MRRF: variants seen among roughly 807,000 people sequenced by gnomAD.
MRRF encodes mitochondrial ribosome recycling factor.
A neutral mutation model predicts 25.1 loss-of-function variants in MRRF; 18 were observed. The observed-to-expected ratio is 0.72, with a 90% CI of 0.50 to 1.06. MRRF has a LOEUF of 1.06. Ranked by LOEUF, MRRF falls within the 50% of genes least tolerant of loss-of-function variation. MRRF has a pLI of 0.00. For synonymous variants in MRRF, 113 were observed against 112.1 expected (o/e 1.01, Z -0.05); for missense variants, 323 against 319.3 (o/e 1.01, Z -0.09).
chr9:122,322,007 C>A (rs1315471949), intron 6 of MRRF, among the ~76,000 whole-genome samples: 2 of 152,170 alleles, frequency 1.3e-5, no homozygotes, highest in Non-Finnish European at 2.9e-5. Context: ...GTTTTCCTAT[C>A]TGCAAAATGG....
intron 1 of MRRF, among the ~76,000 whole-genome samples, chr9:122,270,554 A>C (rs536476367): frequency 1.3e-5 from 2 of 152,324 alleles, no homozygotes; most frequent in East Asian, 3.9e-4. Context: ...TAGCATCATT[A>C]AAGTTTTAGT....
intron 5 of MRRF, among the ~76,000 whole-genome samples, chr9:122,307,219 C>T (rs149627609): frequency 6.6e-6 from 1 of 152,190 alleles, no homozygotes; most frequent in Non-Finnish European, 1.5e-5. Context: ...CAGGCCCATG[C>T]TCCTGTAGGG....
intron 5 of MRRF, among the ~76,000 whole-genome samples, chr9:122,302,873 C>T (rs966228422): frequency 2.6e-5 from 4 of 152,172 alleles, no homozygotes; most frequent in African/African-American, 9.7e-5. Context: ...CCTTTGCCAA[C>T]ACTTGTTATG....
chr9:122,285,326 T>G (rs1258988391), intron 4 of MRRF, 39 bp downstream of exon 4: 4 of 1,230,460 alleles, frequency 3.3e-6, no homozygotes, highest in Non-Finnish European at 4.8e-6. Context: ...CGTGGTCTCT[T>G]TTGGAATGGA....
Position 122,313,366 on chromosome 9 carries a change from A to T in MRRF, c.691A>T (p.Ile231Phe), listed in dbSNP as rs772261297. The change falls in exon 6 of 7, where the codon ATT (isoleucine) becomes TTT (phenylalanine). Residue 231 changes from isoleucine to phenylalanine, a missense_variant. Transcript: ENST00000344641. ...KSKDTVSEDT[I>F]RLIEKQISQM... ...CAAGGATACAGTCTCAGAGGACACC[A>T]TTAGGCTAATAGAGAAACAGGTACT... 2 of 1,614,122 alleles carry T rather than the reference A, an allele frequency of 1.2e-6. No individual in the cohort carries two copies. Among genetic ancestry groups the T allele is most frequent in the Non-Finnish European group, 1.7e-6 (2 of 1,179,934 alleles).
intron 5 of MRRF, among the ~76,000 whole-genome samples, chr9:122,306,545 C>T (rs545439321): frequency 2.6e-5 from 4 of 152,256 alleles, no homozygotes; most frequent in Non-Finnish European, 4.4e-5. Context: ...CTTCAGAGCC[C>T]GTTCTCTTAA....
At position 122,265,791 on chromosome 9, in the gene MRRF, T is replaced by G. The variant is rs562271777; in HGVS notation, c.-29+853T>G. On this transcript the variant is annotated intron_variant, in intron 1 of 6. Transcript: ENST00000344641. Reference sequence around the variant, plus strand: ...GCAGGGAGTGATAAGGTAGGCATACTGGAATCCAGATCTCTTAACTCTTAG... The same window carrying G: ...GCAGGGAGTGATAAGGTAGGCATACGGGAATCCAGATCTCTTAACTCTTAG... 2.3e-3 allele frequency: 2,960 copies of G among 1,283,238 alleles called. 3 individuals carry two copies. Among genetic ancestry groups the G allele is most frequent in the Non-Finnish European group, 2.7e-3 (2,640 of 983,132 alleles). The allele number at this position is 1,283,238 out of a possible 1,614,324, so 79.5% of individuals were successfully genotyped here.
chr9:122,305,720 T>G (rs1402743064), intron 5 of MRRF, among the ~76,000 whole-genome samples: 1 of 152,230 alleles, frequency 6.6e-6, no homozygotes, highest in Non-Finnish European at 1.5e-5. Flanking sequence ...TCTTGCTTTA[T>G]TTTCTTCATA....
rs2119029843 is a variant in MRRF at position 122,270,925 on chromosome 9, C to T, written c.34C>T (p.His12Tyr). The change falls in exon 2 of 7, where the codon CAC (histidine) becomes TAC (tyrosine). Residue 12 changes from histidine to tyrosine, a missense_variant. Transcript: ENST00000344641. ...ALGLKCFRMVHPTFRNYLAAS... is the reference protein window; with the variant it reads ...ALGLKCFRMVYPTFRNYLAAS... Reference sequence around the variant, plus strand: ...GGGATTAAAGTGCTTCCGCATGGTCCACCCTACCTTTCGCAATTATCTTGC... The same window carrying T: ...GGGATTAAAGTGCTTCCGCATGGTCTACCCTACCTTTCGCAATTATCTTGC... 6.2e-7 allele frequency: 1 copy of T among 1,614,124 alleles called. No individual in the cohort carries two copies.
At chr9:122,279,706 GTTGA>G (rs1832981694) in intron 2 of MRRF, among the ~76,000 whole-genome samples, 1 of 152,184 alleles carries the variant, frequency 6.6e-6, no homozygotes, top group Admixed American at 6.5e-5. Context: ...TCCCAATGCT[GTTGA>G]TTTTCTAAAA....
At chr9:122,274,941 C>G (rs1832688199) in intron 2 of MRRF, among the ~76,000 whole-genome samples, 1 of 152,016 alleles carries the variant, frequency 6.6e-6, no homozygotes, top group South Asian at 2.1e-4. Context: ...TTTCTATCCT[C>G]TGAGTTGGAC....
rs1588098101 is a variant in MRRF, at chr9:122,324,366, A to C, written c.*1749A>C. ...GGTACACAGGGCAAGGTTGAGGGAG[A>C]GGGAGAGGGTGTGGAGCTTCCATGC... On this transcript the variant is annotated 3_prime_UTR_variant, in exon 7 of 7. Coordinates refer to ENST00000344641, the MANE Select transcript of MRRF (RefSeq NM_138777.5). 1 of 152,242 alleles carries C rather than the reference A, an allele frequency of 6.6e-6. No individual in the cohort carries two copies. The highest frequency in any genetic ancestry group is 2.4e-5 in the African/African-American group (1 of 41,446). 9.4% of individuals were successfully genotyped at this position (152,242 alleles called of 1,614,324 possible).
chr9:122,271,148 A>G (rs1832433893), intron 2 of MRRF, 73 bp downstream of exon 2: 3 of 1,265,380 alleles, frequency 2.4e-6, no homozygotes, highest in East Asian at 4.6e-5. Flanking sequence ...GCTGGCAGGT[A>G]TCTCAGATGT....
At chr9:122,285,510 G>T in intron 4 of MRRF, 2 of 521,058 alleles carry the variant, frequency 3.8e-6, no homozygotes, top group Non-Finnish European at 7.0e-6. Flanking sequence ...TACCCAAACG[G>T]GTCCCATCTA....
rs747739745 is a variant in MRRF at position 122,280,403 on chromosome 9, A to G, written c.185-40A>G. ...CACCAATTGCTTATTGGCTCTGTTTATGCTGCTGTTGTTTTATTCACTGAA... is the reference window on the plus strand; with the variant it reads ...CACCAATTGCTTATTGGCTCTGTTTGTGCTGCTGTTGTTTTATTCACTGAA... On this transcript the variant is annotated intron_variant, in intron 2 of 6. Coordinates refer to ENST00000344641, the MANE Select transcript of MRRF (RefSeq NM_138777.5). 4.3e-5 allele frequency: 69 copies of G among 1,612,058 alleles called. No individual in the cohort carries two copies. The South Asian group carries it at 5.2e-4, about 12-fold the overall frequency.
At chr9:122,281,022 C>T (rs1328653150) in intron 3 of MRRF, among the ~76,000 whole-genome samples, 1 of 152,152 alleles carries the variant, frequency 6.6e-6, no homozygotes, top group Admixed American at 6.6e-5. Context: ...TAACTGACAT[C>T]TTTGGTCCGA....
intron 5 of MRRF, among the ~76,000 whole-genome samples, chr9:122,307,445 GT>G (rs1325408800): frequency 1.3e-5 from 2 of 152,118 alleles, no homozygotes. Context: ...TATCTGCTCA[GT>G]TGCCTAAGCA....
At chr9:122,309,859 A>G (rs917280586) in intron 5 of MRRF, among the ~76,000 whole-genome samples, 3 of 152,228 alleles carry the variant, frequency 2.0e-5, no homozygotes, top group Non-Finnish European at 4.4e-5. Context: ...TTGGATTTTA[A>G]AATGTCTGTG....
At chr9:122,272,069 T>C (rs1387410991) in intron 2 of MRRF, among the ~76,000 whole-genome samples, 2 of 152,244 alleles carry the variant, frequency 1.3e-5, no homozygotes, top group African/African-American at 4.8e-5. Context: ...TTTTTTAAAG[T>C]TTCTATACAT....
Sources: gnomAD v4.1 joint callset for allele counts (sites outside exome capture counted in the v4.1 genomes callset) on GRCh38, gnomAD v4.1.1 for gene constraint, MANE v1.5 for transcripts, NCBI Gene and HGNC (gene_info 2026-07-23, HGNC 2026-07-21) for gene names.